Variants in SRBD1 observed in about 807,000 individuals in gnomAD.
SRBD1 encodes the protein S1 RNA-binding domain-containing protein 1.
In SRBD1, 88 loss-of-function variants were observed where a neutral mutation model predicts 115.3. The observed-to-expected ratio is 0.76, with a 90% CI of 0.64 to 0.91. The LOEUF is 0.91. Among genes scored for constraint, SRBD1 ranks in the 40% least tolerant of loss-of-function variants. The probability of loss-of-function intolerance (pLI) is 0.00; values close to 1 mark genes in which losing one functional copy is unlikely to be tolerated. For missense variants in SRBD1, 1,385 were observed against 1,177.4 expected (o/e 1.18, Z -2.58); for synonymous variants, 509 against 407.7 (o/e 1.25, Z -2.99).
At chr2:45,609,701 A>G (rs1332204942) in intron 1 of SRBD1, among the ~76,000 whole-genome samples, 1 of 152,084 alleles carries the variant, frequency 6.6e-6, no homozygotes, top group East Asian at 1.9e-4. Flanking sequence ...CTGCTTGTCA[A>G]TTGGCTGGCT....
chr2:45,479,736 T>C (rs957724376), intron 15 of SRBD1, among the ~76,000 whole-genome samples: 7 of 152,212 alleles, frequency 4.6e-5, no homozygotes, highest in African/African-American at 1.7e-4. Context: ...AAGATCATAA[T>C]GAAGGTGGCT....
chr2:45,554,226 G>C (rs1417148020), intron 10 of SRBD1, among the ~76,000 whole-genome samples: 5 of 152,186 alleles, frequency 3.3e-5, no homozygotes, highest in African/African-American at 1.2e-4. Context: ...TCTCAACCAT[G>C]TGAGGACACA....
At chr2:45,416,295 A>T (rs1041061601) in intron 18 of SRBD1, among the ~76,000 whole-genome samples, 3 of 152,168 alleles carry the variant, frequency 2.0e-5, no homozygotes, top group Non-Finnish European at 1.5e-5. Flanking sequence ...ATACAGTAAC[A>T]TTGCTAGCAA....
intron 16 of SRBD1, among the ~76,000 whole-genome samples, chr2:45,443,027 A>G (rs555766208): frequency 6.6e-6 from 1 of 152,286 alleles, no homozygotes; most frequent in Admixed American, 6.5e-5. Context: ...AAAAAGGGGA[A>G]AGTACTAAGA....
At chr2:45,391,835 G>A (rs867681800) in intron 20 of SRBD1, among the ~76,000 whole-genome samples, 56 of 152,210 alleles carry the variant, frequency 3.7e-4, no homozygotes, top group African/African-American at 1.3e-3. Flanking sequence ...AGATGGATGT[G>A]AAAAATCCAG....
chr2:45,586,424 A>T (rs548770198), intron 4 of SRBD1, among the ~76,000 whole-genome samples: 1 of 152,350 alleles, frequency 6.6e-6, no homozygotes, highest in Non-Finnish European at 1.5e-5. Context: ...GAAATGATTC[A>T]CAAGATCTGG....
intron 14 of SRBD1, among the ~76,000 whole-genome samples, chr2:45,497,902 C>T (rs945684643): frequency 1.3e-5 from 2 of 152,068 alleles, no homozygotes; most frequent in Non-Finnish European, 2.9e-5. Flanking sequence ...GGCATGGTGA[C>T]ATGCACCTGT....
At chr2:45,430,229 G>T (rs1668290234) in intron 16 of SRBD1, among the ~76,000 whole-genome samples, 1 of 152,070 alleles carries the variant, frequency 6.6e-6, no homozygotes, top group Non-Finnish European at 1.5e-5. Context: ...GTAATTTATA[G>T]ATTCAATGCT....
At position 45,534,143 on chromosome 2, in the gene SRBD1, ATAG is replaced by A. The variant is rs1208895427; in HGVS notation, c.1874+12586_1874+12588del. 2.6e-5 allele frequency among the ~76,000 whole-genome samples: 4 copies of A among 152,124 alleles called. No homozygotes were observed. In the East Asian group the frequency reaches 7.7e-4, roughly 29 times the overall value. Reference sequence around the variant, plus strand: ...ACAGTCAAACTGAATTCAAATCCAAATAGTATTTTAAAACCACACACACATATA... The same window carrying A: ...ACAGTCAAACTGAATTCAAATCCAAATATTTTAAAACCACACACACATATA... On this transcript the variant is annotated intron_variant, in intron 14 of 20. Coordinates refer to ENST00000263736, the MANE Select transcript of SRBD1 (RefSeq NM_018079.5).
At chr2:45,592,281 AC>A (rs940212707) in intron 4 of SRBD1, among the ~76,000 whole-genome samples, 7 of 152,102 alleles carry the variant, frequency 4.6e-5, no homozygotes, top group African/African-American at 1.4e-4. Flanking sequence ...GGGACACACC[AC>A]CAAAGAAGCA....
rs869298079 is a variant in SRBD1, at chr2:45,421,510, C to CAAAAAAAAAA, written c.2050-1626_2050-1617dup. Among the ~76,000 whole-genome samples the CAAAAAAAAAA allele has an allele frequency of 7.6e-4, 17 of 22,292 alleles. 1 individual carries two copies. Among genetic ancestry groups the CAAAAAAAAAA allele is most frequent in the Non-Finnish European group, 9.7e-4 (13 of 13,394 alleles). The allele number at this position is 22,292 out of a possible 152,430, so 14.6% of individuals were successfully genotyped here. The stretch of plus-strand genomic sequence containing the variant: ...TGACGGTGTGAGACTCCGTCTCAAA[C>CAAAAAAAAAA]AAAAAAAAAAAAAAAAAAAAAAAAA... On this transcript the variant is annotated intron_variant, in intron 16 of 20. Coordinates refer to ENST00000263736, the MANE Select transcript of SRBD1 (RefSeq NM_018079.5).
chr2:45,476,003 G>T (rs1281217688), intron 16 of SRBD1, among the ~76,000 whole-genome samples: 2 of 152,168 alleles, frequency 1.3e-5, no homozygotes, highest in Non-Finnish European at 2.9e-5. Flanking sequence ...CTAGCCAGTT[G>T]TACTCTTTAG....
intron 16 of SRBD1, among the ~76,000 whole-genome samples, chr2:45,443,431 C>T (rs1203577156): frequency 6.6e-6 from 1 of 152,006 alleles, no homozygotes; most frequent in Non-Finnish European, 1.5e-5. Flanking sequence ...TAAGACAGTA[C>T]TGCGGTTTTA....
chr2:45,554,353 G>A (rs6719388), intron 10 of SRBD1, among the ~76,000 whole-genome samples: 2 of 152,016 alleles, frequency 1.3e-5, no homozygotes, highest in Non-Finnish European at 2.9e-5. Flanking sequence ...AAATTACTCC[G>A]GTTGAAGCCA....
chr2:45,392,556 A>G (rs527405810), intron 20 of SRBD1, among the ~76,000 whole-genome samples: 2 of 152,326 alleles, frequency 1.3e-5, no homozygotes, highest in South Asian at 4.1e-4. Flanking sequence ...GGAAAGCTAT[A>G]ATTTAGGAAG....
chr2:45,459,290 G>A (rs567551737), intron 16 of SRBD1, among the ~76,000 whole-genome samples: 21 of 152,138 alleles, frequency 1.4e-4, no homozygotes, highest in Non-Finnish European at 3.1e-4. Flanking sequence ...CTTTCCCTGT[G>A]CAACACGTCC....
chr2:45,428,350 A>C (rs1668221681), intron 16 of SRBD1, among the ~76,000 whole-genome samples: 1 of 152,130 alleles, frequency 6.6e-6, no homozygotes, highest in Admixed American at 6.6e-5. Context: ...GGAGATCCAG[A>C]CCACCCTGGC....
intron 15 of SRBD1, among the ~76,000 whole-genome samples, chr2:45,487,625 G>C (rs978821330): frequency 2.6e-5 from 4 of 151,842 alleles, no homozygotes; most frequent in Non-Finnish European, 5.9e-5. Context: ...AATAATAAAA[G>C]ATCTTAGGAT....
chr2:45,592,825 A>T (rs1188769719), intron 4 of SRBD1, among the ~76,000 whole-genome samples: 4 of 152,194 alleles, frequency 2.6e-5, no homozygotes, highest in Admixed American at 2.0e-4. Context: ...ATCATCTGAG[A>T]ACTTGTTAAA....
Sources: allele counts gnomAD v4.1 joint callset (sites outside exome capture counted in the v4.1 genomes callset), GRCh38; gene constraint gnomAD v4.1.1; transcripts MANE v1.5; gene names NCBI Gene and HGNC (gene_info 2026-07-23, HGNC 2026-07-21).